The following CNTNAP2 variants were observed in gnomAD, a reference collection of about 807,000 sequenced individuals.
The protein encoded by CNTNAP2 is contactin-associated protein-like 2.
In CNTNAP2, 98 loss-of-function variants were observed where a neutral mutation model predicts 155.2. That is an observed-to-expected ratio of 0.63 (90% CI 0.54 to 0.75). The LOEUF (loss-of-function observed/expected upper bound fraction) is 0.75, where lower values mean the gene tolerates loss of function less well. Among genes scored for constraint, CNTNAP2 ranks in the 30% least tolerant of loss-of-function variants. The probability of loss-of-function intolerance (pLI) is 0.00; values close to 1 mark genes in which losing one functional copy is unlikely to be tolerated. For synonymous variants in CNTNAP2, 651 were observed against 631.2 expected, an observed-to-expected ratio of 1.03 and a Z score of -0.47; for missense variants, 1,727 against 1,688.1, an observed-to-expected ratio of 1.02 and a Z score of -0.40.
chr7:147,325,578 T>C (rs1374547927), intron 9 of CNTNAP2, among the ~76,000 whole-genome samples: 1 of 152,196 alleles, frequency 6.6e-6, no homozygotes, highest in African/African-American at 2.4e-5. Context: ...CTATTATTGC[T>C]GTATAATTAT....
chr7:146,957,984 G>A (rs1797470507), intron 3 of CNTNAP2, among the ~76,000 whole-genome samples: 1 of 152,152 alleles, frequency 6.6e-6, no homozygotes, highest in Admixed American at 6.5e-5. Flanking sequence ...AGAATTTATA[G>A]TGAGGCATGA....
chr7:147,936,119 T>C (rs1208996992), intron 14 of CNTNAP2, among the ~76,000 whole-genome samples: 2 of 152,218 alleles, frequency 1.3e-5, no homozygotes, highest in Non-Finnish European at 2.9e-5. Context: ...ATGTTGGTTT[T>C]TAAAAATAAT....
chr7:146,540,340 T>C (rs903821945), intron 1 of CNTNAP2, among the ~76,000 whole-genome samples: 1 of 152,078 alleles, frequency 6.6e-6, no homozygotes, highest in Non-Finnish European at 1.5e-5. Context: ...TAGAGATATC[T>C]GCTCCATGTC....
chr7:147,307,414 C>A (rs1185908868), intron 9 of CNTNAP2, among the ~76,000 whole-genome samples: 1 of 148,424 alleles, frequency 6.7e-6, no homozygotes, highest in Non-Finnish European at 1.5e-5. Context: ...CCTATCTCTA[C>A]TAAAAAAAAC....
At chr7:147,736,583 G>A (rs1240461893) in intron 13 of CNTNAP2, among the ~76,000 whole-genome samples, 1 of 152,098 alleles carries the variant, frequency 6.6e-6, no homozygotes, top group African/African-American at 2.4e-5. Context: ...TGCTAGATTG[G>A]GGAAGTTCTC....
At chr7:147,661,058 T>C (rs113487536) in intron 13 of CNTNAP2, among the ~76,000 whole-genome samples, 6,890 of 152,176 alleles carry the variant, frequency 0.045, 517 homozygotes, top group African/African-American at 0.16. Flanking sequence ...CCTATGGCTA[T>C]TGAAAACCTA....
At chr7:146,167,677 T>A (rs2116812796) in intron 1 of CNTNAP2, among the ~76,000 whole-genome samples, 1 of 152,318 alleles carries the variant, frequency 6.6e-6, no homozygotes, top group East Asian at 1.9e-4. Context: ...AGGAGAAAGA[T>A]ACTGAATTTT....
rs942997733 is a variant in CNTNAP2, at chr7:148,294,110, C to T, written c.3475+26984C>T. Among the ~76,000 whole-genome samples the T allele has an allele frequency of 4.7e-5, 7 of 147,868 alleles. No homozygotes were observed. In the South Asian group the frequency reaches 1.1e-3, roughly 23 times the overall value. On this transcript the variant is annotated intron_variant, in intron 21 of 23. Coordinates refer to ENST00000361727, the MANE Select transcript of CNTNAP2 (RefSeq NM_014141.6). Reference sequence around the variant, plus strand: ...TTCACAGATGGAAGGAAAAAGCAGGCGGTGTTTCCTATTCTATGTGTATGC... The same window carrying T: ...TTCACAGATGGAAGGAAAAAGCAGGTGGTGTTTCCTATTCTATGTGTATGC...
intron 12 of CNTNAP2, among the ~76,000 whole-genome samples, chr7:147,633,808 C>A (rs2116914604): frequency 6.6e-6 from 1 of 152,290 alleles, no homozygotes; most frequent in Non-Finnish European, 1.5e-5. Flanking sequence ...TTCCTGAGGC[C>A]TCCCCAGCAA....
intron 13 of CNTNAP2, among the ~76,000 whole-genome samples, chr7:147,689,195 G>C (rs1796055907): frequency 6.7e-6 from 1 of 149,674 alleles, no homozygotes; most frequent in Non-Finnish European, 1.5e-5. Flanking sequence ...TGTTGCCCAG[G>C]CTGAAGTTCA....
At chr7:147,016,305 G>C (rs1284729476) in intron 3 of CNTNAP2, among the ~76,000 whole-genome samples, 1 of 151,924 alleles carries the variant, frequency 6.6e-6, no homozygotes, top group Non-Finnish European at 1.5e-5. Flanking sequence ...CTGAGTTCAA[G>C]CCGGATGTGC....
At chr7:147,448,864 T>G (rs1286591143) in intron 10 of CNTNAP2, among the ~76,000 whole-genome samples, 1 of 152,170 alleles carries the variant, frequency 6.6e-6, no homozygotes, top group East Asian at 1.9e-4. Context: ...TTTATTGTAA[T>G]CTATTGTTAT....
At chr7:148,403,490 T>A (rs1799634038) in intron 22 of CNTNAP2, among the ~76,000 whole-genome samples, 1 of 152,208 alleles carries the variant, frequency 6.6e-6, no homozygotes, top group Non-Finnish European at 1.5e-5. Context: ...TTATAGCTAG[T>A]CTGTTTTAAA....
chr7:147,391,096 A>G (rs1796708448), intron 9 of CNTNAP2, among the ~76,000 whole-genome samples: 1 of 152,168 alleles, frequency 6.6e-6, no homozygotes, highest in African/African-American at 2.4e-5. Flanking sequence ...ACAGTTGTCA[A>G]TCTTAAGACC....
intron 15 of CNTNAP2, among the ~76,000 whole-genome samples, chr7:148,018,223 GCTAA>G (rs1347147300): frequency 1.3e-5 from 2 of 152,184 alleles, no homozygotes; most frequent in Non-Finnish European, 2.9e-5. Flanking sequence ...TGAAACTGCT[GCTAA>G]CTATTGATTT....
At chr7:147,472,470 C>T (rs1798242282) in intron 10 of CNTNAP2, among the ~76,000 whole-genome samples, 1 of 152,146 alleles carries the variant, frequency 6.6e-6, no homozygotes, top group Non-Finnish European at 1.5e-5. Context: ...ACCTCCACCT[C>T]CCAAAGTTCT....
intron 8 of CNTNAP2, among the ~76,000 whole-genome samples, chr7:147,151,306 C>T (rs1005917385): frequency 2.6e-5 from 4 of 151,918 alleles, no homozygotes; most frequent in African/African-American, 9.7e-5. Context: ...AAACCCAACG[C>T]TAAGAGGGAA....
At chr7:147,597,559 C>G (rs1480380884) in intron 12 of CNTNAP2, among the ~76,000 whole-genome samples, 5 of 152,144 alleles carry the variant, frequency 3.3e-5, no homozygotes, top group Admixed American at 3.3e-4. Context: ...GTTTTATTCA[C>G]CACTAACAAG....
intron 9 of CNTNAP2, among the ~76,000 whole-genome samples, chr7:147,339,551 C>A (rs1795724340): frequency 6.6e-6 from 1 of 152,052 alleles, no homozygotes. Context: ...ATTACTCAGC[C>A]TCAGGTATTC....
Sources: allele counts gnomAD v4.1 joint callset (sites outside exome capture counted in the v4.1 genomes callset), GRCh38; gene constraint gnomAD v4.1.1; transcripts MANE v1.5; gene names NCBI Gene and HGNC (gene_info 2026-07-23, HGNC 2026-07-21).